The following FANCC variants were observed in gnomAD, a reference collection of about 807,000 sequenced individuals.
The protein encoded by FANCC is FA complementation group C.
In FANCC, 55 loss-of-function variants were observed where a neutral mutation model predicts 71.3. The ratio of observed to expected loss-of-function variants is 0.77; its 90% CI spans 0.62 to 0.97. The LOEUF is 0.97. Among genes scored for constraint, FANCC ranks in the 50% least tolerant of loss-of-function variants. FANCC has a pLI of 0.00. For synonymous variants in FANCC, 275 were observed against 244.9 expected (o/e 1.12, Z -1.15); for missense variants, 678 against 670.9 (o/e 1.01, Z -0.12).
chr9:95,148,481 T>C (rs1003128664), intron 7 of FANCC, among the ~76,000 whole-genome samples: 2 of 152,244 alleles, frequency 1.3e-5, no homozygotes, highest in Non-Finnish European at 2.9e-5. Flanking sequence ...TGACAGTGTT[T>C]GTAGCCCATG....
intron 4 of FANCC, among the ~76,000 whole-genome samples, chr9:95,202,365 C>A (rs1271293181): frequency 6.6e-6 from 1 of 151,490 alleles, no homozygotes; most frequent in Non-Finnish European, 1.5e-5. Context: ...CAGAACTGGG[C>A]TTAACAGGGG....
At chr9:95,267,799 A>T (rs1386750333) in intron 1 of FANCC, among the ~76,000 whole-genome samples, 1 of 152,244 alleles carries the variant, frequency 6.6e-6, no homozygotes, top group African/African-American at 2.4e-5. Flanking sequence ...ATAAATTGAA[A>T]AGGCAGAATT....
At chr9:95,159,360 A>G (rs1830619071) in intron 6 of FANCC, among the ~76,000 whole-genome samples, 1 of 152,094 alleles carries the variant, frequency 6.6e-6, no homozygotes, top group African/African-American at 2.4e-5. Context: ...AAGGACATGA[A>G]CTCATCCTTT....
chr9:95,124,369 T>C (rs1588097161), intron 10 of FANCC, among the ~76,000 whole-genome samples: 1 of 152,252 alleles, frequency 6.6e-6, no homozygotes, highest in Admixed American at 6.5e-5. Context: ...TGCTGAAAGG[T>C]GAAAGCTCGC....
intron 6 of FANCC, among the ~76,000 whole-genome samples, chr9:95,165,438 C>T (rs1483817054): frequency 2.6e-5 from 4 of 151,786 alleles, no homozygotes; most frequent in East Asian, 1.9e-4. Context: ...CTATAAACTT[C>T]CTGCTTAGAA....
intron 1 of FANCC, among the ~76,000 whole-genome samples, chr9:95,267,042 C>T (rs1467176392): frequency 3.3e-5 from 5 of 152,038 alleles, no homozygotes; most frequent in Non-Finnish European, 4.4e-5. Context: ...GAAATCGATA[C>T]GAGACAGAAA....
At position 95,198,620 on chromosome 9, in the gene FANCC, T is replaced by C. The variant is rs73654540; in HGVS notation, c.346-26473A>G. The stretch of plus-strand genomic sequence containing the variant: ...CTCTAACAGCCTGAATTTGCAGTGG[T>C]CACATTCTCAGAGAGCCCATGTGTA... On this transcript the variant is annotated intron_variant, in intron 4 of 14. Coordinates refer to ENST00000289081, the MANE Select transcript of FANCC (RefSeq NM_000136.3). Among the ~76,000 whole-genome samples, 472 of 152,302 alleles carry C rather than the reference T, an allele frequency of 3.1e-3. 1 individual carries two copies. Among genetic ancestry groups the C allele is most frequent in the African/African-American group, 0.011 (458 of 41,562 alleles).
intron 10 of FANCC, among the ~76,000 whole-genome samples, chr9:95,120,905 ATTTTTTGGCACC>A (rs1564659937): frequency 6.6e-6 from 1 of 151,676 alleles, no homozygotes; most frequent in African/African-American, 2.4e-5. Flanking sequence ...TTACACTTCT[ATTTTTTGGCACC>A]TTAAGTCAAT....
chr9:95,128,909 CTT>C (rs756314206), intron 8 of FANCC, among the ~76,000 whole-genome samples: 36 of 144,490 alleles, frequency 2.5e-4, no homozygotes, highest in Non-Finnish European at 2.1e-4. Flanking sequence ...AACCAGTCTC[CTT>C]TTTTTTTTTT....
intron 10 of FANCC, among the ~76,000 whole-genome samples, chr9:95,121,475 C>A (rs1315716178): frequency 6.6e-6 from 1 of 152,206 alleles, no homozygotes; most frequent in Non-Finnish European, 1.5e-5. Context: ...CTGGCAGGAT[C>A]TATGAAAGTT....
intron 1 of FANCC, among the ~76,000 whole-genome samples, chr9:95,279,205 T>C (rs1446755991): frequency 6.6e-6 from 1 of 151,362 alleles, no homozygotes; most frequent in Non-Finnish European, 1.5e-5. Flanking sequence ...GCAGTCCTAA[T>C]CACTCAGGAG....
intron 4 of FANCC, among the ~76,000 whole-genome samples, chr9:95,191,411 C>T (rs535364024): frequency 1.5e-4 from 21 of 143,910 alleles, no homozygotes; most frequent in Non-Finnish European, 2.8e-4. Context: ...TGGTTCACTG[C>T]AGCCAAGACT....
At chr9:95,259,694 G>A (rs1010178770) in intron 1 of FANCC, among the ~76,000 whole-genome samples, 1 of 152,172 alleles carries the variant, frequency 6.6e-6, no homozygotes, top group Admixed American at 6.5e-5. Context: ...TGACAAATGG[G>A]ATCTAATTAA....
intron 1 of FANCC, among the ~76,000 whole-genome samples, chr9:95,262,796 T>A (rs1832134805): frequency 6.6e-6 from 1 of 152,222 alleles, no homozygotes; most frequent in African/African-American, 2.4e-5. Flanking sequence ...AAAAGGAATG[T>A]AATTCTGATA....
At chr9:95,265,122 T>C (rs912561405) in intron 1 of FANCC, among the ~76,000 whole-genome samples, 2 of 152,170 alleles carry the variant, frequency 1.3e-5, no homozygotes, top group Non-Finnish European at 2.9e-5. Context: ...TATTTCTCTG[T>C]TGAGTCAGTG....
chr9:95,163,028 C>G lies in FANCC; in HGVS notation c.521+8051G>C, dbSNP rs181347452. On this transcript the variant is annotated intron_variant, in intron 6 of 14. Transcript: ENST00000289081. The stretch of plus-strand genomic sequence containing the variant: ...TTTGGTGTCATATCCAAGATCATTG[C>G]GAAGTCCAATGCCATGACACTTTTC... Among the ~76,000 whole-genome samples, 88 of 152,270 alleles carry G rather than the reference C, an allele frequency of 5.8e-4. No homozygotes were observed. In the East Asian group the frequency reaches 0.012, roughly 20 times the overall value.
chr9:95,292,433 C>T lies in FANCC; in HGVS notation c.-79+25093G>A, dbSNP rs555538215. 4.4e-6 allele frequency: 5 copies of T among 1,130,458 alleles called. No homozygotes were observed. The East Asian group carries it at 1.4e-4, about 31-fold the overall frequency. 70.0% of individuals were successfully genotyped at this position (1,130,458 alleles called of 1,614,324 possible). Reference sequence around the variant, plus strand: ...CGGCCACGAGAGGAGCCTCCGCCGCCGCCTCGGGCCCGTGGGTGCCCCCGG... The same window carrying T: ...CGGCCACGAGAGGAGCCTCCGCCGCTGCCTCGGGCCCGTGGGTGCCCCCGG... On this transcript the variant is annotated intron_variant, in intron 1 of 14. Coordinates refer to ENST00000289081, the MANE Select transcript of FANCC (RefSeq NM_000136.3).
intron 7 of FANCC, among the ~76,000 whole-genome samples, chr9:95,148,429 T>C (rs1257001533): frequency 6.6e-6 from 1 of 152,180 alleles, no homozygotes; most frequent in Non-Finnish European, 1.5e-5. Flanking sequence ...ACATACTTTC[T>C]CAATAATTAG....
At chr9:95,148,828 A>ACCC (rs1829911143) in intron 7 of FANCC, among the ~76,000 whole-genome samples, 1 of 152,218 alleles carries the variant, frequency 6.6e-6, no homozygotes, top group South Asian at 2.1e-4. Flanking sequence ...CATTGCAACT[A>ACCC]CCCTTTAAAA....
Sources: allele counts gnomAD v4.1 joint callset (sites outside exome capture counted in the v4.1 genomes callset), GRCh38; gene constraint gnomAD v4.1.1; transcripts MANE v1.5; gene names NCBI Gene and HGNC (gene_info 2026-07-23, HGNC 2026-07-21).